Variants in RRAS2 observed in about 807,000 individuals in gnomAD.
RRAS2 encodes the protein ras-related protein R-Ras2.
In RRAS2, 7 loss-of-function variants were observed where a neutral mutation model predicts 27.6. The ratio of observed to expected loss-of-function variants is 0.25; its 90% CI spans 0.14 to 0.48. The LOEUF is 0.48. Ranked by LOEUF, RRAS2 falls within the 20% of genes least tolerant of loss-of-function variation. RRAS2 has a pLI of 0.99. For synonymous variants in RRAS2, 86 were observed against 90.9 expected (o/e 0.95, Z 0.31); for missense variants, 178 against 256.2 (o/e 0.69, Z 2.08).
chr11:14,356,163 G>A (rs555585310), intron 1 of RRAS2, among the ~76,000 whole-genome samples: 14 of 152,136 alleles, frequency 9.2e-5, no homozygotes, highest in Non-Finnish European at 1.2e-4. Flanking sequence ...AAGTGGTAGA[G>A]CTGAGACTGC....
chr11:14,304,473 C>T (rs1224827048), intron 1 of RRAS2, among the ~76,000 whole-genome samples: 1 of 152,330 alleles, frequency 6.6e-6, no homozygotes, highest in African/African-American at 2.4e-5. Context: ...GATAACTTGG[C>T]ACCTACTGTT....
At chr11:14,362,320 G>A (rs1849200482), upstream of RRAS2, among the ~76,000 whole-genome samples, 1 of 151,908 alleles carries the variant, frequency 6.6e-6, no homozygotes, top group Admixed American at 6.5e-5. Context: ...ACTTCAGAAT[G>A]TTCCCTATAT....
intron 1 of RRAS2, among the ~76,000 whole-genome samples, chr11:14,322,962 C>G (rs1379754623): frequency 5.3e-5 from 8 of 152,078 alleles, no homozygotes; most frequent in Admixed American, 3.9e-4. Flanking sequence ...GGTAAAAATT[C>G]AATAGATGGA....
intron 1 of RRAS2, among the ~76,000 whole-genome samples, chr11:14,351,193 G>C (rs187408758): frequency 5.9e-5 from 9 of 152,110 alleles, no homozygotes; most frequent in African/African-American, 1.9e-4. Context: ...CAAACTGAGG[G>C]GACTCTATAA....
At chr11:14,343,369 C>A (rs1848758095) in intron 1 of RRAS2, among the ~76,000 whole-genome samples, 1 of 152,188 alleles carries the variant, frequency 6.6e-6, no homozygotes, top group South Asian at 2.1e-4. Flanking sequence ...AAGGAAATAA[C>A]CCAAAGACTC....
intron 1 of RRAS2, among the ~76,000 whole-genome samples, chr11:14,312,567 A>T (rs1309184767): frequency 6.6e-6 from 1 of 151,988 alleles, no homozygotes; most frequent in Non-Finnish European, 1.5e-5. Flanking sequence ...CTGTAGGTGC[A>T]TGCCACCACG....
chr11:14,328,698 C>A (rs1226257791), intron 1 of RRAS2, among the ~76,000 whole-genome samples: 2 of 151,098 alleles, frequency 1.3e-5, no homozygotes, highest in Admixed American at 1.3e-4. Context: ...GAGTTTCGCT[C>A]TTGTTGCCCA....
At chr11:14,349,002 G>A (rs1319623548) in intron 1 of RRAS2, among the ~76,000 whole-genome samples, 2 of 152,092 alleles carry the variant, frequency 1.3e-5, no homozygotes, top group Non-Finnish European at 2.9e-5. Context: ...GTCTCGCTCT[G>A]TTGCCCAGGC....
At chr11:14,312,518 C>T (rs968557164) in intron 1 of RRAS2, among the ~76,000 whole-genome samples, 2 of 152,152 alleles carry the variant, frequency 1.3e-5, no homozygotes, top group Non-Finnish European at 2.9e-5. Context: ...CTCCTGGGCT[C>T]AAGTGCTCCT....
intron 4 of RRAS2, among the ~76,000 whole-genome samples, chr11:14,291,191 G>A (rs1265363539): frequency 6.6e-6 from 1 of 152,148 alleles, no homozygotes; most frequent in Non-Finnish European, 1.5e-5. Context: ...TGAGAGTGAG[G>A]AAAGAGAAGA....
At chr11:14,302,105 C>G (rs1231612627) in intron 1 of RRAS2, among the ~76,000 whole-genome samples, 1 of 133,648 alleles carries the variant, frequency 7.5e-6, no homozygotes, top group African/African-American at 2.6e-5. Flanking sequence ...CACACACACA[C>G]ACACACCAAA....
Position 14,358,123 on chromosome 11 carries a change from C to A in RRAS2, c.108+640G>T. 1 of 678,944 alleles carries A rather than the reference C, an allele frequency of 1.5e-6. No individual in the cohort carries two copies. Among genetic ancestry groups the A allele is most frequent in the Non-Finnish European group, 1.8e-6 (1 of 549,928 alleles). 42.1% of individuals were successfully genotyped at this position (678,944 alleles called of 1,614,324 possible). ...GAATTCCTAGGAAATGGTCTCACCC[C>A]ATCAGAGAACATTTTTAACTTCCTA... On this transcript the variant is annotated intron_variant, in intron 1 of 5. Coordinates refer to ENST00000256196, the MANE Select transcript of RRAS2 (RefSeq NM_012250.6). This position sits in a 1 kb window ranked among gnomAD's most constrained non-coding sequence, Gnocchi z 5.1.
intron 1 of RRAS2, among the ~76,000 whole-genome samples, chr11:14,312,963 G>A (rs1317624043): frequency 6.6e-6 from 1 of 152,166 alleles, no homozygotes; most frequent in Non-Finnish European, 1.5e-5. Flanking sequence ...GAAAGTGGCT[G>A]TCTATTCACA....
At chr11:14,286,172 CTAT>C (rs1295123237) in intron 4 of RRAS2, among the ~76,000 whole-genome samples, 2 of 152,234 alleles carry the variant, frequency 1.3e-5, no homozygotes, top group Non-Finnish European at 2.9e-5. Flanking sequence ...TCCACTAATT[CTAT>C]TATCTTTGTC....
intron 4 of RRAS2, among the ~76,000 whole-genome samples, chr11:14,285,898 T>G (rs1251866264): frequency 6.6e-6 from 1 of 152,212 alleles, no homozygotes; most frequent in Non-Finnish European, 1.5e-5. Context: ...TTTAAGTGAT[T>G]TCATTATAAT....
intron 1 of RRAS2, among the ~76,000 whole-genome samples, chr11:14,311,811 C>T (rs566339981): frequency 1.3e-5 from 2 of 152,196 alleles, no homozygotes; most frequent in South Asian, 4.1e-4. Context: ...ACGAAAGTTA[C>T]ATAAACATAC....
chr11:14,331,622 A>G (rs1554951901), intron 1 of RRAS2, among the ~76,000 whole-genome samples: 1 of 148,474 alleles, frequency 6.7e-6, no homozygotes. Context: ...GGATCACTTG[A>G]GCCCAGAAGT....
chr11:14,314,500 G>GCTCTTGA (rs1185912153), intron 1 of RRAS2, among the ~76,000 whole-genome samples: 8 of 152,048 alleles, frequency 5.3e-5, no homozygotes, highest in Admixed American at 1.3e-4. Flanking sequence ...TTATTCAAGA[G>GCTCTTGA]CTCTTGACTA....
chr11:14,313,172 G>C (rs1360032073), intron 1 of RRAS2, among the ~76,000 whole-genome samples: 1 of 152,134 alleles, frequency 6.6e-6, no homozygotes, highest in Admixed American at 6.5e-5. Context: ...CAAGTACGTA[G>C]GTTTAAAAAG....
Sources: allele counts gnomAD v4.1 joint callset (sites outside exome capture counted in the v4.1 genomes callset), GRCh38; gene constraint gnomAD v4.1.1; non-coding constraint Gnocchi (gnomAD v3.1); transcripts MANE v1.5; gene names NCBI Gene and HGNC (gene_info 2026-07-23, HGNC 2026-07-21).